Variants in ITGAE observed in about 807,000 individuals in gnomAD.
ITGAE encodes the protein integrin subunit alpha E.
In ITGAE, 99 loss-of-function variants were observed where a neutral mutation model predicts 136.5. The ratio of observed to expected loss-of-function variants is 0.73; its 90% CI spans 0.62 to 0.86. The LOEUF is 0.86. ITGAE is among the 40% of genes least tolerant of loss of function. The probability of loss-of-function intolerance (pLI) is 0.00; values close to 1 mark genes in which losing one functional copy is unlikely to be tolerated. For synonymous variants in ITGAE, 613 were observed against 591.8 expected (o/e 1.04, Z -0.52); for missense variants, 1,447 against 1,515.3 (o/e 0.95, Z 0.75).
intron 1 of ITGAE, among the ~76,000 whole-genome samples, chr17:3,785,492 GAAGGAGGAAGGAAGGA>G (rs1172057307): frequency 2.4e-4 from 33 of 134,978 alleles, no homozygotes; most frequent in African/African-American, 9.8e-4. Context: ...AGGAAGGAAG[GAAGGAGGAAGGAAGGA>G]AGGAAGGAAG....
At chr17:3,730,884 A>G (rs946192517) in intron 23 of ITGAE, among the ~76,000 whole-genome samples, 2 of 152,320 alleles carry the variant, frequency 1.3e-5, no homozygotes, top group Non-Finnish European at 2.9e-5. Flanking sequence ...GCTGTACCAC[A>G]GTTTTACTTT....
At chr17:3,740,580 T>G (rs562605783) in intron 19 of ITGAE, among the ~76,000 whole-genome samples, 1 of 152,368 alleles carries the variant, frequency 6.6e-6, no homozygotes, top group African/African-American at 2.4e-5. Flanking sequence ...TTCGCCATGT[T>G]GACCAGGTTG....
chr17:3,780,747 C>A (rs2052649573), intron 1 of ITGAE, among the ~76,000 whole-genome samples: 2 of 152,100 alleles, frequency 1.3e-5, no homozygotes, highest in African/African-American at 2.4e-5. Flanking sequence ...GTTGCCCTGG[C>A]TGGAGTGCAG....
intron 2 of ITGAE, among the ~76,000 whole-genome samples, chr17:3,765,132 G>A (rs1022287724): frequency 6.6e-6 from 1 of 152,032 alleles, no homozygotes; most frequent in Non-Finnish European, 1.5e-5. Flanking sequence ...GGCAGATCAC[G>A]AGGTCAGGAG....
chr17:3,723,723 T>G lies in ITGAE; in HGVS notation c.3106A>C (p.Ser1036Arg). ...CTGTACGCACAAGCGCGCTCCTGAC[T>G]CCAGGTGCACACCGTGGAGGCCTGA... Reference protein sequence around the residue: ...RTQASTVCTWSQERACAYSSV... With the variant: ...RTQASTVCTWRQERACAYSSV... The change falls in exon 27 of 31, where the codon AGT (serine) becomes CGT (arginine). Residue 1036 changes from serine (S) to arginine (R), a missense_variant. Ser to Arg is a moderately radical substitution (Grantham distance 110). Transcript: ENST00000263087. The G allele has an allele frequency of 6.2e-7, 1 of 1,606,098 alleles. No homozygotes were observed. The highest frequency in any genetic ancestry group is 8.5e-7 in the Non-Finnish European group (1 of 1,176,396).
intron 14 of ITGAE, among the ~76,000 whole-genome samples, chr17:3,752,233 C>T (rs562926821): frequency 6.6e-6 from 1 of 152,230 alleles, no homozygotes; most frequent in Non-Finnish European, 1.5e-5. Flanking sequence ...GCCCGCCCCC[C>T]TCTAGTTCCA....
In ITGAE at chr17:3,751,796, C is replaced by G. The variant is rs751142140; in HGVS notation, c.1747G>C (p.Ala583Pro). ...TNARFGFAMA[A>P]MGDLSQDKLT... ...TTATCCTGACTGAGATCCCCCATAG[C>G]CGCCATGGCAAAGCCAAAGCGGGCA... is the stretch of plus-strand genomic sequence containing the variant. Residue 583 changes from alanine to proline, a missense_variant, in exon 15 of 31, where the codon GCT becomes CCT. By Grantham distance (27) the Ala-to-Pro change is conservative. This residue lies in a region of ITGAE where 1,031 missense variants were observed against 1,011.4 expected (regional missense o/e 1.02). Coordinates refer to ENST00000263087, the MANE Select transcript of ITGAE (RefSeq NM_002208.5). 1 of 1,614,172 alleles carries G rather than the reference C, an allele frequency of 6.2e-7. No homozygotes were observed. The highest frequency in any genetic ancestry group is 8.5e-7 in the Non-Finnish European group (1 of 1,180,002).
chr17:3,737,350 C>G (rs550888280), intron 20 of ITGAE, among the ~76,000 whole-genome samples: 1 of 152,068 alleles, frequency 6.6e-6, no homozygotes, highest in South Asian at 2.1e-4. Flanking sequence ...AAGTCAGAGA[C>G]AGTAAAGCAA....
Position 3,723,722 on chromosome 17 carries a change from C to A in ITGAE, c.3107G>T (p.Ser1036Ile). 1 of 1,606,086 alleles carries A rather than the reference C, an allele frequency of 6.2e-7. No individual in the cohort carries two copies. Among genetic ancestry groups the A allele is most frequent in the African/African-American group, 1.3e-5 (1 of 74,964 alleles). ...RTQASTVCTW[S>I]QERACAYSSV... ...ACTGTACGCACAAGCGCGCTCCTGA[C>A]TCCAGGTGCACACCGTGGAGGCCTG... is the stretch of plus-strand genomic sequence containing the variant. The change falls in exon 27 of 31, where the codon AGT (serine) becomes ATT (isoleucine). Residue 1036 changes from serine (S) to isoleucine (I), a missense_variant. Physicochemically the swap from Ser to Ile is moderately radical, Grantham distance 142 (BLOSUM62 -2). This residue lies in a region of ITGAE where 1,031 missense variants were observed against 1,011.4 expected (regional missense o/e 1.02). Coordinates refer to ENST00000263087, the MANE Select transcript of ITGAE (RefSeq NM_002208.5).
At chr17:3,782,847 G>A (rs1357135748) in intron 1 of ITGAE, among the ~76,000 whole-genome samples, 1 of 152,050 alleles carries the variant, frequency 6.6e-6, no homozygotes, top group Non-Finnish European at 1.5e-5. Flanking sequence ...CACGATATAA[G>A]GAATGACATT....
chr17:3,721,408 A>G (rs1046196657), intron 28 of ITGAE, among the ~76,000 whole-genome samples: 1 of 151,072 alleles, frequency 6.6e-6, no homozygotes, highest in African/African-American at 2.4e-5. Flanking sequence ...AGTAGCTGGG[A>G]CTACAGGCAT....
At chr17:3,746,475 T>C (rs2051717209) in intron 17 of ITGAE, among the ~76,000 whole-genome samples, 1 of 151,732 alleles carries the variant, frequency 6.6e-6, no homozygotes, top group Non-Finnish European at 1.5e-5. Context: ...TTTTTTCCTT[T>C]GAGACAGAGT....
chr17:3,715,090 C>T (rs1567749598), intron 30 of ITGAE, 148 bp from the exon 31 acceptor site: 2 of 603,950 alleles, frequency 3.3e-6, no homozygotes, highest in Non-Finnish European at 5.9e-6. Flanking sequence ...CTCTGAATCT[C>T]TCCTGGAGAG....
At chr17:3,797,660 C>T (rs1280664946) in intron 1 of ITGAE, among the ~76,000 whole-genome samples, 13 of 151,056 alleles carry the variant, frequency 8.6e-5, no homozygotes, top group Admixed American at 4.6e-4. Context: ...GGGGTTTCAC[C>T]GTGTTGGCCA....
In ITGAE at chr17:3,724,879, A is replaced by T. The variant is rs911874933; in HGVS notation, c.3085-1135T>A. The T allele has an allele frequency of 3.1e-6, 5 of 1,613,838 alleles. No individual in the cohort carries two copies. The Admixed American group carries it at 8.3e-5, about 27-fold the overall frequency. ...GAGGCCGTCCGGAGAGAGCATCAGG[A>T]GGCCAGTGTTCCCAAGGGCCGCATT... On this transcript the variant is annotated intron_variant, in intron 26 of 30. Coordinates refer to ENST00000263087, the MANE Select transcript of ITGAE (RefSeq NM_002208.5).
At chr17:3,726,726 T>TA (rs1333865051) in intron 26 of ITGAE, 1 of 157,946 alleles carries the variant, frequency 6.3e-6, no homozygotes, top group African/African-American at 2.4e-5. Flanking sequence ...CCCTCTTTTT[T>TA]TTTTTTTTAA....
At chr17:3,751,129 A>C (rs1049824140) in intron 15 of ITGAE, among the ~76,000 whole-genome samples, 5 of 151,696 alleles carry the variant, frequency 3.3e-5, no homozygotes, top group African/African-American at 1.2e-4. Context: ...GTTCTAGGGG[A>C]AGCAGGTGCT....
In ITGAE at chr17:3,753,426, C is replaced by T. The variant is rs1328164460; in HGVS notation, c.1532G>A (p.Gly511Glu). Residue 511 changes from glycine (G) to glutamate (E), a missense_variant, in exon 14 of 31, where the codon GGG (glycine) becomes GAG (glutamate). Transcript: ENST00000263087. ...FLPVLEGEQM[G>E]SYFGSELCPV... is the part of the protein sequence containing the mutation. ...GCACAGCTCAGAGCCAAAATAGGACCCCATCTACAGCCCGGGAGGAACTCA... is the reference window on the plus strand; with the variant it reads ...GCACAGCTCAGAGCCAAAATAGGACTCCATCTACAGCCCGGGAGGAACTCA... 1.2e-6 allele frequency: 2 copies of T among 1,613,506 alleles called. No homozygotes were observed. Among genetic ancestry groups the T allele is most frequent in the East Asian group, 2.2e-5 (1 of 44,888 alleles).
chr17:3,727,244 C>T (rs1567514642), intron 26 of ITGAE, among the ~76,000 whole-genome samples: 1 of 151,760 alleles, frequency 6.6e-6, no homozygotes, highest in Non-Finnish European at 1.5e-5. Flanking sequence ...AAAGCAGAGA[C>T]CAAAAAAGAG....
Sources: allele counts gnomAD v4.1 joint callset (sites outside exome capture counted in the v4.1 genomes callset), GRCh38; gene constraint gnomAD v4.1.1; regional missense constraint gnomAD v4.1.1; transcripts MANE v1.5; gene names NCBI Gene and HGNC (gene_info 2026-07-23, HGNC 2026-07-21).